The following ENPP6 variants were observed in gnomAD, a reference collection of about 807,000 sequenced individuals.
The protein encoded by ENPP6 is ectonucleotide pyrophosphatase/phosphodiesterase 6.
ENPP6 carries 32 observed loss-of-function variants against 42.0 expected under a neutral mutation model. The ratio of observed to expected loss-of-function variants is 0.76; its 90% CI spans 0.58 to 1.02. The LOEUF is 1.02. ENPP6 is among the 50% of genes least tolerant of loss of function. The pLI, the probability that ENPP6 is intolerant of heterozygous loss-of-function variation, is 0.00. For missense variants in ENPP6, 552 were observed against 566.8 expected (o/e 0.97, Z 0.27); for synonymous variants, 213 against 216.0 (o/e 0.99, Z 0.12).
chr4:184,097,243 A>G lies in ENPP6; in HGVS notation c.1117+2T>C. 1 of 1,614,118 alleles carries G rather than the reference A, an allele frequency of 6.2e-7. No homozygotes were observed. On this transcript the variant is annotated splice_donor_variant, in intron 7 of 7. Transcript: ENST00000296741. LOFTEE classifies it high-confidence loss of function. Reference sequence around the variant, plus strand: ...AGAGCATCTGGTCATTTCCTCGCCTACCAGGTCCGAAGGCCAGGAAGATGC... The same window carrying G: ...AGAGCATCTGGTCATTTCCTCGCCTGCCAGGTCCGAAGGCCAGGAAGATGC...
At chr4:184,214,190 T>C (rs1044089222) in intron 1 of ENPP6, among the ~76,000 whole-genome samples, 23 of 149,218 alleles carry the variant, frequency 1.5e-4, no homozygotes, top group Non-Finnish European at 2.7e-4. Flanking sequence ...TGTATACATA[T>C]GTAACTAACC....
intron 1 of ENPP6, among the ~76,000 whole-genome samples, chr4:184,209,754 C>T (rs1242920912): frequency 1.4e-5 from 2 of 147,352 alleles, no homozygotes; most frequent in East Asian, 3.9e-4. Flanking sequence ...AGATACCCCT[C>T]GAGAAGAGCA....
intron 5 of ENPP6, among the ~76,000 whole-genome samples, chr4:184,113,850 T>C (rs1211137383): frequency 6.6e-6 from 1 of 152,008 alleles, no homozygotes; most frequent in Admixed American, 6.6e-5. Context: ...CCTGTACATA[T>C]TTCTTTTTAT....
chr4:184,169,022 CCTT>C (rs1242018463), intron 1 of ENPP6, among the ~76,000 whole-genome samples: 1 of 152,190 alleles, frequency 6.6e-6, no homozygotes, highest in Non-Finnish European at 1.5e-5. Flanking sequence ...TTCTTTCCCT[CCTT>C]CTCTTAGTTC....
Position 184,095,169 on chromosome 4 carries a change from G to A in ENPP6, c.1117+2076C>T, listed in dbSNP as rs1186286729. On this transcript the variant is annotated intron_variant, in intron 7 of 7. Transcript: ENST00000296741. ...TCTGCCTGGAAACATTTTGCAATTA[G>A]CGCAGTCCATTTTCATCAGGGGTCA... Among the ~76,000 whole-genome samples the A allele has an allele frequency of 1.3e-5, 2 of 152,198 alleles. 1 individual carries two copies. The highest frequency in any genetic ancestry group is 4.8e-5 in the African/African-American group (2 of 41,442).
intron 1 of ENPP6, among the ~76,000 whole-genome samples, chr4:184,208,701 A>G (rs1733048161): frequency 6.7e-6 from 1 of 148,182 alleles, no homozygotes; most frequent in South Asian, 2.2e-4. Flanking sequence ...TTAGGTAAAC[A>G]AAGCAGCAGG....
chr4:184,156,712 C>T (rs544866980), intron 1 of ENPP6, among the ~76,000 whole-genome samples: 1 of 152,336 alleles, frequency 6.6e-6, no homozygotes, highest in East Asian at 1.9e-4. Flanking sequence ...ATGTGTTTGC[C>T]TTTCTCAGAG....
intron 6 of ENPP6, among the ~76,000 whole-genome samples, chr4:184,109,020 G>A (rs1163216183): frequency 6.6e-6 from 1 of 152,214 alleles, no homozygotes; most frequent in Non-Finnish European, 1.5e-5. Flanking sequence ...AGACCATCCT[G>A]GCCAACATGG....
At position 184,136,944 on chromosome 4, in the gene ENPP6, G is replaced by A. The variant is rs149937610; in HGVS notation, c.422-12672C>T. On this transcript the variant is annotated intron_variant, in intron 2 of 7. Transcript: ENST00000296741. ...TGCTGTGACCCCTTCACTATATCCC[G>A]CATGTCTCTTACATTCTTTTCTGCC... 4.0e-3 allele frequency among the ~76,000 whole-genome samples: 615 copies of A among 152,098 alleles called. 6 individuals carry two copies. The highest frequency in any genetic ancestry group is 0.014 in the Middle Eastern group (4 of 294).
At chr4:184,115,706 C>T (rs940755827) in intron 5 of ENPP6, among the ~76,000 whole-genome samples, 1 of 152,204 alleles carries the variant, frequency 6.6e-6, no homozygotes, top group Non-Finnish European at 1.5e-5. Flanking sequence ...GGGAGCTTGT[C>T]TGGCTTCCAA....
chr4:184,128,741 TC>T (rs1008818222), intron 2 of ENPP6, among the ~76,000 whole-genome samples: 42 of 152,322 alleles, frequency 2.8e-4, no homozygotes, highest in African/African-American at 6.7e-4. Context: ...TAGGCTGGAT[TC>T]AATAGATATT....
chr4:184,201,473 C>G (rs762744513), intron 1 of ENPP6, among the ~76,000 whole-genome samples: 3 of 151,288 alleles, frequency 2.0e-5, no homozygotes, highest in African/African-American at 7.3e-5. Context: ...CGTGGACAAG[C>G]CTTCTGGAAA....
chr4:184,101,526 CAG>C (rs2111332521), intron 6 of ENPP6, among the ~76,000 whole-genome samples: 1 of 152,176 alleles, frequency 6.6e-6, no homozygotes, highest in East Asian at 1.9e-4. Flanking sequence ...AAGCTGCCAT[CAG>C]AGAGAGACAG....
chr4:184,205,264 A>G lies in ENPP6; in HGVS notation c.241+12315T>C, dbSNP rs1486285513. On this transcript the variant is annotated intron_variant, in intron 1 of 7. Coordinates refer to ENST00000296741, the MANE Select transcript of ENPP6 (RefSeq NM_153343.4). ...AATAAGTTTTATTTGGAGAAGACAG[A>G]AATAAATAATCTGGTGCCGTGATGG... Among the ~76,000 whole-genome samples, 3 of 152,248 alleles carry G rather than the reference A, an allele frequency of 2.0e-5. No individual in the cohort carries two copies. The East Asian group carries it at 5.8e-4, about 29-fold the overall frequency.
chr4:184,157,902 GA>G (rs1181028402), intron 1 of ENPP6, among the ~76,000 whole-genome samples: 1 of 151,508 alleles, frequency 6.6e-6, no homozygotes, highest in Non-Finnish European at 1.5e-5. Flanking sequence ...TTACAGGCAT[GA>G]GCCACTGTGC....
chr4:184,132,354 C>A (rs541572433), intron 2 of ENPP6, among the ~76,000 whole-genome samples: 1 of 151,910 alleles, frequency 6.6e-6, no homozygotes, highest in South Asian at 2.1e-4. Flanking sequence ...ATTGGGATAC[C>A]CAATTATGTA....
At chr4:184,124,322 C>A in intron 2 of ENPP6, 50 bp from the exon 3 acceptor site, 2 of 1,382,224 alleles carry the variant, frequency 1.4e-6, no homozygotes, top group Non-Finnish European at 2.0e-6. Context: ...TAAGTAATGT[C>A]GAGTTATGAG....
intron 1 of ENPP6, among the ~76,000 whole-genome samples, chr4:184,156,144 T>A (rs1452231072): frequency 6.6e-6 from 1 of 152,164 alleles, no homozygotes; most frequent in African/African-American, 2.4e-5. Context: ...AAGTTGGGTT[T>A]CTTCTTTTGG....
intron 2 of ENPP6, among the ~76,000 whole-genome samples, chr4:184,147,022 A>C (rs1296084250): frequency 6.6e-6 from 1 of 152,114 alleles, no homozygotes; most frequent in African/African-American, 2.4e-5. Flanking sequence ...TTGTATCTCC[A>C]GCCCTCTTCT....
Sources: allele counts gnomAD v4.1 joint callset (sites outside exome capture counted in the v4.1 genomes callset), GRCh38; gene constraint gnomAD v4.1.1; transcripts MANE v1.5; gene names NCBI Gene and HGNC (gene_info 2026-07-23, HGNC 2026-07-21).